Variants in NEK11 observed in about 807,000 individuals in gnomAD.
NEK11 encodes the protein NIMA related kinase 11.
Under a neutral mutation model 80.7 loss-of-function variants are expected in NEK11, and 72 were observed. The observed-to-expected ratio is 0.89, with a 90% CI of 0.74 to 1.08. The LOEUF is 1.08. NEK11 is among the 50% of genes least tolerant of loss of function. The probability of loss-of-function intolerance (pLI) is 0.00; values close to 1 mark genes in which losing one functional copy is unlikely to be tolerated. For missense variants in NEK11, 764 were observed against 763.6 expected (o/e 1.00, Z -0.01); for synonymous variants, 251 against 260.7 (o/e 0.96, Z 0.36).
intron 16 of NEK11, among the ~76,000 whole-genome samples, chr3:131,266,849 C>T (rs971656418): frequency 7.2e-5 from 11 of 152,128 alleles, no homozygotes; most frequent in Non-Finnish European, 1.0e-4. Context: ...TCTCTGAGGG[C>T]TTGCTTTATG....
chr3:131,318,486 T>C (rs1581868250), intron 17 of NEK11, among the ~76,000 whole-genome samples: 1 of 152,292 alleles, frequency 6.6e-6, no homozygotes, highest in East Asian at 1.9e-4. Context: ...CAAAGGTATA[T>C]ACTTACAGAA....
chr3:131,092,018 G>T lies in NEK11; in HGVS notation c.336+11430G>T, dbSNP rs181330149. ...ACTCAGCTATTTCTTCTGTGTATTGGTTTGTTTACATACTACGTTAGGGTG... is the reference window on the plus strand; with the variant it reads ...ACTCAGCTATTTCTTCTGTGTATTGTTTTGTTTACATACTACGTTAGGGTG... On this transcript the variant is annotated intron_variant, in intron 4 of 17. Coordinates refer to ENST00000383366, the MANE Select transcript of NEK11 (RefSeq NM_024800.5). Among the ~76,000 whole-genome samples, 522 of 152,322 alleles carry T rather than the reference G, an allele frequency of 3.4e-3. 2 individuals carry two copies. Among genetic ancestry groups the T allele is most frequent in the African/African-American group, 0.012 (494 of 41,562 alleles).
chr3:131,329,485 T>C (rs926187533), intron 17 of NEK11: 2 of 151,694 alleles, frequency 1.3e-5, no homozygotes, highest in African/African-American at 4.8e-5. Context: ...AAAGAAAATA[T>C]TTTTCGTGTT....
chr3:131,192,542 C>T (rs965617348), intron 14 of NEK11, among the ~76,000 whole-genome samples: 7 of 152,094 alleles, frequency 4.6e-5, no homozygotes, highest in Admixed American at 1.3e-4. Context: ...ACTCAAATGT[C>T]CATTGATGGA....
chr3:131,078,148 T>G (rs2074676567), intron 3 of NEK11, among the ~76,000 whole-genome samples: 1 of 152,166 alleles, frequency 6.6e-6, no homozygotes, highest in South Asian at 2.1e-4. Context: ...TGCTGTTGGT[T>G]GTCTTTTGGG....
intron 14 of NEK11, among the ~76,000 whole-genome samples, chr3:131,200,653 A>G (rs1049892943): frequency 6.6e-6 from 1 of 152,224 alleles, no homozygotes; most frequent in Non-Finnish European, 1.5e-5. Context: ...TCAAAAAAGT[A>G]TCAAAGAACC....
At position 131,146,092 on chromosome 3, in the gene NEK11, G is replaced by T. The variant is rs147436459; in HGVS notation, c.648-6296G>T. Among the ~76,000 whole-genome samples the T allele has an allele frequency of 5.9e-5, 9 of 152,070 alleles. No homozygotes were observed. The East Asian group carries it at 1.2e-3, about 20-fold the overall frequency. On this transcript the variant is annotated intron_variant, in intron 7 of 17. Coordinates refer to ENST00000383366, the MANE Select transcript of NEK11 (RefSeq NM_024800.5). ...CAAGGGTTGTTGTTACAGCCCTTCC[G>T]ATATGCCCAGGCCAGGAGAGGTTGT...
At chr3:131,274,413 A>G (rs767405221) in intron 17 of NEK11, among the ~76,000 whole-genome samples, 8 of 146,274 alleles carry the variant, frequency 5.5e-5, no homozygotes, top group Non-Finnish European at 1.0e-4. Flanking sequence ...GTGCCACAAT[A>G]AACATACGTG....
At chr3:131,269,673 C>T (rs774384633) in intron 16 of NEK11, among the ~76,000 whole-genome samples, 15 of 152,134 alleles carry the variant, frequency 9.9e-5, no homozygotes, top group Non-Finnish European at 1.8e-4. Flanking sequence ...TGTTCCTATT[C>T]GGCCATCTTG....
In NEK11 at chr3:131,205,136, C is replaced by T. The variant is rs78109425; in HGVS notation, c.1400-23392C>T. Among the ~76,000 whole-genome samples, 1,032 of 152,160 alleles carry T rather than the reference C, an allele frequency of 6.8e-3. 21 individuals are homozygous for T. Among genetic ancestry groups the T allele is most frequent in the East Asian group, 0.053 (275 of 5,176 alleles). On this transcript the variant is annotated intron_variant, in intron 14 of 17. Coordinates refer to ENST00000383366, the MANE Select transcript of NEK11 (RefSeq NM_024800.5). ...TGGCAAGATGCTGGAGCTGGGTGGGCTTGGTGCAAAGTGAACTAAAGATTC... is the reference window on the plus strand; with the variant it reads ...TGGCAAGATGCTGGAGCTGGGTGGGTTTGGTGCAAAGTGAACTAAAGATTC...
At chr3:131,203,224 A>G (rs1365632588) in intron 14 of NEK11, among the ~76,000 whole-genome samples, 6 of 152,142 alleles carry the variant, frequency 3.9e-5, no homozygotes, top group Non-Finnish European at 7.3e-5. Context: ...TGTGGCACAT[A>G]TACACCATGG....
At chr3:131,150,816 T>C (rs1560651627) in intron 7 of NEK11, among the ~76,000 whole-genome samples, 1 of 152,006 alleles carries the variant, frequency 6.6e-6, no homozygotes, top group Non-Finnish European at 1.5e-5. Flanking sequence ...ATTGTTTTTG[T>C]CTGGATCATT....
intron 3 of NEK11, among the ~76,000 whole-genome samples, chr3:131,055,516 G>A (rs1047256302): frequency 8.5e-5 from 13 of 152,130 alleles, no homozygotes; most frequent in African/African-American, 2.7e-4. Context: ...TGGGAGGATT[G>A]TTTGAGGCCA....
intron 16 of NEK11, among the ~76,000 whole-genome samples, chr3:131,257,566 T>C (rs962374224): frequency 4.6e-5 from 7 of 152,172 alleles, no homozygotes; most frequent in Non-Finnish European, 8.8e-5. Context: ...TGTGGAAACA[T>C]CTCCTCTTTT....
intron 16 of NEK11, among the ~76,000 whole-genome samples, chr3:131,253,219 A>G (rs1388531693): frequency 6.6e-6 from 1 of 152,178 alleles, no homozygotes; most frequent in Non-Finnish European, 1.5e-5. Flanking sequence ...TGAAAGTACC[A>G]GGGAATACCT....
rs368182441 is a variant in NEK11 at position 131,135,626 on chromosome 3, C to T, written c.647+1670C>T. ...ATCAATTTTGGGCTTTGCTTCAGAT[C>T]GAATTTCAATTATATACCTATATAT... On this transcript the variant is annotated intron_variant, in intron 7 of 17. Transcript: ENST00000383366. Among the ~76,000 whole-genome samples the T allele has an allele frequency of 5.9e-5, 9 of 151,956 alleles. No individual in the cohort carries two copies. The East Asian group carries it at 7.7e-4, about 13-fold the overall frequency.
intron 7 of NEK11, among the ~76,000 whole-genome samples, chr3:131,143,177 C>G (rs999133428): frequency 6.6e-6 from 1 of 152,076 alleles, no homozygotes; most frequent in Non-Finnish European, 1.5e-5. Context: ...TTTGGACAGC[C>G]CTGAACTATT....
Position 131,029,674 on chromosome 3 carries a change from T to C in NEK11, c.-35T>C. The stretch of plus-strand genomic sequence containing the variant: ...AGGAGACTGGAATGTTAAGTTTCTA[T>C]AAATGAATGAACCAGTTCTCTCTTG... On this transcript the variant is annotated 5_prime_UTR_variant, in exon 3 of 18. Transcript: ENST00000383366. The C allele has an allele frequency of 6.3e-7, 1 of 1,599,060 alleles. No individual in the cohort carries two copies. The highest frequency in any genetic ancestry group is 8.6e-7 in the Non-Finnish European group (1 of 1,168,966).
chr3:131,238,739 C>T (rs550786904), intron 15 of NEK11, among the ~76,000 whole-genome samples: 15 of 152,070 alleles, frequency 9.9e-5, no homozygotes, highest in African/African-American at 2.9e-4. Flanking sequence ...AACCTGGGCG[C>T]GTTCCAGAAA....
Sources: gnomAD v4.1 joint callset for allele counts (sites outside exome capture counted in the v4.1 genomes callset) on GRCh38, gnomAD v4.1.1 for gene constraint, MANE v1.5 for transcripts, NCBI Gene and HGNC (gene_info 2026-07-23, HGNC 2026-07-21) for gene names.